The following GOLPH3L variants were observed in gnomAD, a reference collection of about 807,000 sequenced individuals.
GOLPH3L encodes the protein Golgi phosphoprotein 3-like.
Under a neutral mutation model 30.3 loss-of-function variants are expected in GOLPH3L, and 22 were observed. That is an observed-to-expected ratio of 0.73 (90% CI 0.52 to 1.04). The LOEUF (loss-of-function observed/expected upper bound fraction) is 1.04, where lower values mean the gene tolerates loss of function less well. Ranked by LOEUF, GOLPH3L falls within the 50% of genes least tolerant of loss-of-function variation. The pLI, the probability that GOLPH3L is intolerant of heterozygous loss-of-function variation, is 0.00. For synonymous variants in GOLPH3L, 120 were observed against 128.2 expected, an observed-to-expected ratio of 0.94 and a Z score of 0.43; for missense variants, 303 against 345.8, an observed-to-expected ratio of 0.88 and a Z score of 0.98.
intron 2 of GOLPH3L, among the ~76,000 whole-genome samples, chr1:150,673,561 G>A (rs1274021223): frequency 1.4e-5 from 2 of 141,456 alleles, no homozygotes; most frequent in South Asian, 2.5e-4. Context: ...GCAAGACTCC[G>A]TCTCAAAAAA....
chr1:150,681,400 G>A (rs1487133597), intron 2 of GOLPH3L, among the ~76,000 whole-genome samples: 1 of 152,134 alleles, frequency 6.6e-6, no homozygotes, highest in Non-Finnish European at 1.5e-5. Flanking sequence ...AAATGCAAGA[G>A]AATTCAGAGA....
In GOLPH3L at chr1:150,663,650, C is replaced by T; in HGVS notation, c.297G>A (p.Lys99=). Residue 99 remains lysine (K), a synonymous_variant, in exon 3 of 5, where the codon AAG becomes AAA. Transcript: ENST00000271732. ...TCAGTACCTTTCTGTCTAGTAGTCG[C>T]TTCTTACGCATGGTCGGGGGTTCCA... ...IYLEPPTMRK[K]RLLDRKVLLK... 2 of 1,613,458 alleles carry T rather than the reference C, an allele frequency of 1.2e-6. No individual in the cohort carries two copies. Among genetic ancestry groups the T allele is most frequent in the East Asian group, 2.2e-5 (1 of 44,846 alleles).
rs774277265 is a variant in GOLPH3L at position 150,694,832 on chromosome 1, T to C, written c.7A>G (p.Thr3Ala). The change falls in exon 2 of 5, where the codon ACT (threonine) becomes GCT (alanine). Residue 3 changes from threonine (T) to alanine (A), a missense_variant. Transcript: ENST00000271732. ...GTGCGACGGGCCCGGTGAGTTAAAG[T>C]GGTCATTCTCACCTGTTTCTGGAGG... is the stretch of plus-strand genomic sequence containing the variant. MTTLTHRARRTEI... is the reference protein window; with the variant it reads MTALTHRARRTEI... 1.0e-5 allele frequency: 16 copies of C among 1,601,960 alleles called. No homozygotes were observed. The highest frequency in any genetic ancestry group is 8.5e-7 in the Non-Finnish European group (1 of 1,175,024).
chr1:150,676,087 C>T (rs1650770386), intron 2 of GOLPH3L, among the ~76,000 whole-genome samples: 1 of 151,810 alleles, frequency 6.6e-6, no homozygotes, highest in African/African-American at 2.4e-5. Context: ...AATCGTCTGG[C>T]CTCAGCCTCC....
chr1:150,658,135 G>A (rs971086555), intron 4 of GOLPH3L, among the ~76,000 whole-genome samples: 6 of 152,210 alleles, frequency 3.9e-5, no homozygotes, highest in African/African-American at 9.6e-5. Context: ...GGAGGATCCC[G>A]AGGACCCCCC....
Position 150,648,665 on chromosome 1 carries a change from T to C in GOLPH3L, c.514A>G (p.Ile172Val). ...RIAKNLVEKG[I>V]LTTEKQNFLL... The stretch of plus-strand genomic sequence containing the variant: ...AAATTCTGCTTCTCAGTGGTTAGAA[T>C]ACCTTTCTCTACTAGGTTCTTTGCG... Residue 172 changes from isoleucine to valine, a missense_variant, in exon 5 of 5, where the codon ATT becomes GTT. Coordinates refer to ENST00000271732, the MANE Select transcript of GOLPH3L (RefSeq NM_018178.6). The C allele has an allele frequency of 6.2e-7, 1 of 1,612,134 alleles. No homozygotes were observed. The highest frequency in any genetic ancestry group is 8.5e-7 in the Non-Finnish European group (1 of 1,178,158).
In GOLPH3L at chr1:150,648,026, T is replaced by C. The variant is rs1650022309; in HGVS notation, c.*295A>G. 3.2e-6 allele frequency: 1 copy of C among 313,108 alleles called. No individual in the cohort carries two copies. Among genetic ancestry groups the C allele is most frequent in the Non-Finnish European group, 5.8e-6 (1 of 171,098 alleles). The allele number at this position is 313,108 out of a possible 1,614,324, so 19.4% of individuals were successfully genotyped here. On this transcript the variant is annotated 3_prime_UTR_variant, in exon 5 of 5. Transcript: ENST00000271732. The stretch of plus-strand genomic sequence containing the variant: ...AAAATCCCATTTAGATATTTCTGCT[T>C]ATCCAAAAGCACACTGGGTGAAACT...
chr1:150,676,068 G>C (rs917547769), intron 2 of GOLPH3L, among the ~76,000 whole-genome samples: 1 of 148,440 alleles, frequency 6.7e-6, no homozygotes, highest in African/African-American at 2.5e-5. Flanking sequence ...CAACCTCCTA[G>C]ACTCAAACAA....
At chr1:150,668,013 T>C (rs766685738) in intron 2 of GOLPH3L, among the ~76,000 whole-genome samples, 4 of 152,088 alleles carry the variant, frequency 2.6e-5, no homozygotes, top group Non-Finnish European at 4.4e-5. Flanking sequence ...AGTACAGGGG[T>C]CACATTTCCA....
intron 2 of GOLPH3L, among the ~76,000 whole-genome samples, chr1:150,666,707 A>T (rs943953778): frequency 6.6e-6 from 1 of 152,166 alleles, no homozygotes; most frequent in Non-Finnish European, 1.5e-5. Flanking sequence ...TTTTGATTTC[A>T]ACAATTTTTC....
chr1:150,652,346 A>G (rs1055342964), intron 4 of GOLPH3L, among the ~76,000 whole-genome samples: 3 of 123,780 alleles, frequency 2.4e-5, no homozygotes, highest in African/African-American at 9.0e-5. Context: ...GTGCCACCGC[A>G]CTCCAGACTG....
At chr1:150,666,739 T>C (rs1042245287) in intron 2 of GOLPH3L, among the ~76,000 whole-genome samples, 1 of 152,206 alleles carries the variant, frequency 6.6e-6, no homozygotes, top group Non-Finnish European at 1.5e-5. Context: ...TTTTATTTAG[T>C]TATTTTTCAC....
At chr1:150,690,428 C>T (rs1282562364) in intron 2 of GOLPH3L, among the ~76,000 whole-genome samples, 1 of 151,922 alleles carries the variant, frequency 6.6e-6, no homozygotes, top group Non-Finnish European at 1.5e-5. Flanking sequence ...AATCCCAAAC[C>T]ATGTAAAAAC....
At chr1:150,691,905 CT>C (rs56889576) in intron 2 of GOLPH3L, among the ~76,000 whole-genome samples, 190 of 140,862 alleles carry the variant, frequency 1.3e-3, no homozygotes, top group Admixed American at 1.4e-3. Flanking sequence ...ATGGATGACT[CT>C]TTTTTTTTTT....
chr1:150,657,122 T>G (rs1650256272), intron 4 of GOLPH3L, among the ~76,000 whole-genome samples: 1 of 152,226 alleles, frequency 6.6e-6, no homozygotes, highest in African/African-American at 2.4e-5. Context: ...TAATTGAAAA[T>G]GCTCAGTTAC....
intron 2 of GOLPH3L, among the ~76,000 whole-genome samples, chr1:150,669,460 A>G (rs1424432386): frequency 6.6e-6 from 1 of 152,220 alleles, no homozygotes; most frequent in African/African-American, 2.4e-5. Flanking sequence ...ATTCTATATT[A>G]AATGGCCAAT....
chr1:150,695,159 G>A (rs1651319695), intron 1 of GOLPH3L, among the ~76,000 whole-genome samples: 1 of 151,986 alleles, frequency 6.6e-6, no homozygotes, highest in Admixed American at 6.6e-5. Flanking sequence ...TTCTTGAGAG[G>A]GAGTCTTGCT....
At chr1:150,648,843 A>T (rs958220573) in intron 4 of GOLPH3L, 95 bp from the exon 5 acceptor site, 13 of 753,222 alleles carry the variant, frequency 1.7e-5, no homozygotes, top group Non-Finnish European at 2.5e-5. Flanking sequence ...AAAATGTTTA[A>T]AAGCATAATC....
intron 2 of GOLPH3L, among the ~76,000 whole-genome samples, chr1:150,683,699 CAAAAAAAAAAAA>C (rs397981524): frequency 0.011 from 158 of 14,946 alleles, no homozygotes; most frequent in African/African-American, 0.025. Context: ...GACTCTCTCT[CAAAAAAAAAAAA>C]AAAAAAAAAA....
Sources: gnomAD v4.1 joint callset for allele counts (sites outside exome capture counted in the v4.1 genomes callset) on GRCh38, gnomAD v4.1.1 for gene constraint, MANE v1.5 for transcripts, NCBI Gene and HGNC (gene_info 2026-07-23, HGNC 2026-07-21) for gene names.